The following LRRTM4 variants were observed in gnomAD, a reference collection of about 807,000 sequenced individuals.
LRRTM4 encodes the protein leucine rich repeat transmembrane neuronal 4.
Under a neutral mutation model 47.6 loss-of-function variants are expected in LRRTM4, and 25 were observed. That is an observed-to-expected ratio of 0.53 (90% CI 0.38 to 0.73). The LOEUF (loss-of-function observed/expected upper bound fraction) is 0.73, where lower values mean the gene tolerates loss of function less well. Ranked by LOEUF, LRRTM4 falls within the 30% of genes least tolerant of loss-of-function variation. The pLI is 0.00. For missense variants in LRRTM4, 638 were observed against 713.4 expected (o/e 0.89, Z 1.20); for synonymous variants, 311 against 269.5 (o/e 1.15, Z -1.51).
chr2:77,450,906 C>G (rs1290513347), intron 3 of LRRTM4, among the ~76,000 whole-genome samples: 2 of 152,112 alleles, frequency 1.3e-5, no homozygotes, highest in Non-Finnish European at 2.9e-5. Context: ...CTTTATGAAT[C>G]TTCACTGCCT....
chr2:76,936,954 C>CAAAAAAAAAAAAAAAAAAAAAAAAAAA (rs56140303), intron 3 of LRRTM4, among the ~76,000 whole-genome samples: 2 of 22,696 alleles, frequency 8.8e-5, no homozygotes, highest in East Asian at 1.2e-3. Context: ...GACTCCATCT[C>CAAAAAAAAAAAAAAAAAAAAAAAAAAA]AAAAAAAAAA....
At chr2:76,935,551 T>C (rs1036430259) in intron 3 of LRRTM4, among the ~76,000 whole-genome samples, 14 of 152,318 alleles carry the variant, frequency 9.2e-5, no homozygotes, top group Middle Eastern at 3.4e-3. Context: ...TAGTTCTCCT[T>C]GAAAAGGTCC....
In LRRTM4 at chr2:77,366,543, A is replaced by C. The variant is rs376577689; in HGVS notation, c.1551+151775T>G. Among the ~76,000 whole-genome samples the C allele has an allele frequency of 3.5e-4, 53 of 151,930 alleles. 1 individual carries two copies. In the South Asian group the frequency reaches 0.011, roughly 32 times the overall value. The stretch of plus-strand genomic sequence containing the variant: ...TGTCTCCAGCCCAGACTACTCCTAA[A>C]AGCTTTAACCAATTATATTAACTTT... On this transcript the variant is annotated intron_variant, in intron 3 of 3. Coordinates refer to ENST00000409884, the MANE Select transcript of LRRTM4 (RefSeq NM_001134745.3).
chr2:76,931,168 C>G (rs1049867879), intron 3 of LRRTM4, among the ~76,000 whole-genome samples: 4 of 152,068 alleles, frequency 2.6e-5, no homozygotes, highest in African/African-American at 9.7e-5. Context: ...AATATATTTA[C>G]TTTTTTATCA....
Position 77,187,247 on chromosome 2 carries a change from G to C in LRRTM4, c.1551+331071C>G, listed in dbSNP as rs1673537109. ...ATTGATGCTACAAAGTTCCTTGTGAGCATGTGTTGAACCTCGATTTCAGCC... is the reference window on the plus strand; with the variant it reads ...ATTGATGCTACAAAGTTCCTTGTGACCATGTGTTGAACCTCGATTTCAGCC... On this transcript the variant is annotated intron_variant, in intron 3 of 3. Transcript: ENST00000409884. 2.0e-5 allele frequency among the ~76,000 whole-genome samples: 3 copies of C among 152,120 alleles called. No homozygotes were observed. The South Asian group carries it at 6.2e-4, about 32-fold the overall frequency.
chr2:76,762,702 G>C (rs962496144), intron 3 of LRRTM4, among the ~76,000 whole-genome samples: 1 of 152,256 alleles, frequency 6.6e-6, no homozygotes, highest in Non-Finnish European at 1.5e-5. Context: ...ACTCATGCCT[G>C]AATTGCTAGC....
rs377604156 is a variant in LRRTM4, at chr2:77,506,363, G to C, written c.1551+11955C>G. On this transcript the variant is annotated intron_variant, in intron 3 of 3. Transcript: ENST00000409884. ...CATAGTAAATATTTAGTATACACAG[G>C]ATGAGAAAGGCATTTTTAAAGTAAA... Among the ~76,000 whole-genome samples the C allele has an allele frequency of 6.9e-4, 104 of 151,666 alleles. 3 individuals are homozygous for C. The South Asian group carries it at 0.02, about 29-fold the overall frequency.
At chr2:76,801,558 A>C (rs1274018601) in intron 3 of LRRTM4, among the ~76,000 whole-genome samples, 1 of 152,218 alleles carries the variant, frequency 6.6e-6, no homozygotes, top group East Asian at 1.9e-4. Context: ...AGATATACCT[A>C]ATGCTAGATG....
intron 3 of LRRTM4, among the ~76,000 whole-genome samples, chr2:77,373,234 T>A (rs2103774388): frequency 6.6e-6 from 1 of 151,176 alleles, no homozygotes; most frequent in South Asian, 2.1e-4. Context: ...TAATAGGGAT[T>A]TTTGAAGACT....
intron 3 of LRRTM4, among the ~76,000 whole-genome samples, chr2:76,937,583 T>C (rs1675000228): frequency 6.6e-6 from 1 of 152,210 alleles, no homozygotes; most frequent in African/African-American, 2.4e-5. Flanking sequence ...TGTGTGTATG[T>C]GTGTGAAATG....
At chr2:77,084,821 TA>T (rs1351889418) in intron 3 of LRRTM4, among the ~76,000 whole-genome samples, 1 of 152,230 alleles carries the variant, frequency 6.6e-6, no homozygotes, top group Admixed American at 6.5e-5. Context: ...TACTAACATT[TA>T]TAAGTGGTAA....
intron 3 of LRRTM4, among the ~76,000 whole-genome samples, chr2:76,754,301 A>G (rs147434426): frequency 6.6e-6 from 1 of 152,286 alleles, no homozygotes; most frequent in East Asian, 1.9e-4. Context: ...GAATAAGTAC[A>G]TGTAAACAAG....
intron 3 of LRRTM4, among the ~76,000 whole-genome samples, chr2:77,138,605 C>A (rs1311611697): frequency 6.6e-6 from 1 of 151,872 alleles, no homozygotes; most frequent in Non-Finnish European, 1.5e-5. Context: ...TAGCAGAAGG[C>A]AAGAAATAAC....
intron 3 of LRRTM4, among the ~76,000 whole-genome samples, chr2:76,807,674 CT>C (rs1351353768): frequency 6.6e-6 from 1 of 151,434 alleles, no homozygotes; most frequent in African/African-American, 2.4e-5. Flanking sequence ...TCATCGCAAC[CT>C]CTGCCTCCCA....
chr2:77,077,077 G>A (rs1209014889), intron 3 of LRRTM4, among the ~76,000 whole-genome samples: 1 of 152,040 alleles, frequency 6.6e-6, no homozygotes, highest in East Asian at 1.9e-4. Flanking sequence ...TGTCTGACAA[G>A]CAAAATTTAT....
At chr2:77,416,426 T>A (rs1674636296) in intron 3 of LRRTM4, among the ~76,000 whole-genome samples, 1 of 152,120 alleles carries the variant, frequency 6.6e-6, no homozygotes, top group Non-Finnish European at 1.5e-5. Flanking sequence ...ATATAACTCA[T>A]GGTAAGTACT....
chr2:76,762,255 G>C (rs1359026614), intron 3 of LRRTM4, among the ~76,000 whole-genome samples: 1 of 152,072 alleles, frequency 6.6e-6, no homozygotes, highest in African/African-American at 2.4e-5. Flanking sequence ...CAGATTGTTT[G>C]ACATACTCCA....
At chr2:76,976,287 G>A (rs1461276387) in intron 3 of LRRTM4, among the ~76,000 whole-genome samples, 6 of 151,622 alleles carry the variant, frequency 4.0e-5, no homozygotes, top group African/African-American at 7.2e-5. Context: ...AGTATCAAGA[G>A]AGTAAATAAA....
intron 3 of LRRTM4, among the ~76,000 whole-genome samples, chr2:77,510,436 C>T (rs1366914367): frequency 6.6e-6 from 1 of 151,976 alleles, no homozygotes; most frequent in Non-Finnish European, 1.5e-5. Context: ...AAGGCTTTGC[C>T]TAATGACATT....
Sources: allele counts gnomAD v4.1 joint callset (sites outside exome capture counted in the v4.1 genomes callset), GRCh38; gene constraint gnomAD v4.1.1; transcripts MANE v1.5; gene names NCBI Gene and HGNC (gene_info 2026-07-23, HGNC 2026-07-21).